MAST4: variants seen among roughly 807,000 people sequenced by gnomAD.
The protein encoded by MAST4 is microtubule-associated serine/threonine-protein kinase 4.
Under a neutral mutation model 162.7 loss-of-function variants are expected in MAST4, and 89 were observed. That is an observed-to-expected ratio of 0.55 (90% CI 0.46 to 0.65). MAST4 has a LOEUF of 0.65. Among genes scored for constraint, MAST4 ranks in the 30% least tolerant of loss-of-function variants. The probability of loss-of-function intolerance (pLI) is 0.00; values close to 1 mark genes in which losing one functional copy is unlikely to be tolerated. For synonymous variants in MAST4, 1,479 were observed against 1,361.1 expected (o/e 1.09, Z -1.91); for missense variants, 3,153 against 3,374.0 (o/e 0.93, Z 1.62).
chr5:66,890,614 A>G (rs1762307124), intron 3 of MAST4, among the ~76,000 whole-genome samples: 2 of 152,232 alleles, frequency 1.3e-5, no homozygotes, highest in Admixed American at 6.5e-5. Flanking sequence ...TTGCTTAGAA[A>G]GAGTTGCCAA....
chr5:67,107,559 A>G (rs1215700784), intron 10 of MAST4, among the ~76,000 whole-genome samples: 2 of 152,222 alleles, frequency 1.3e-5, no homozygotes, highest in East Asian at 3.8e-4. Context: ...TCCATTGCAG[A>G]GGGGCCTGCC....
chr5:66,884,519 A>ACCC (rs912399040), intron 3 of MAST4, among the ~76,000 whole-genome samples: 1 of 152,056 alleles, frequency 6.6e-6, no homozygotes, highest in African/African-American at 2.4e-5. Context: ...CCTGAGAAGG[A>ACCC]CCCGGGAAGC....
intron 1 of MAST4, among the ~76,000 whole-genome samples, chr5:66,720,766 G>C (rs1751152297): frequency 6.6e-6 from 1 of 152,082 alleles, no homozygotes. Flanking sequence ...TCAGCTTGTT[G>C]AGTGGAATAA....
At chr5:66,702,633 A>G (rs910898819) in intron 1 of MAST4, among the ~76,000 whole-genome samples, 1 of 152,152 alleles carries the variant, frequency 6.6e-6, no homozygotes, top group Non-Finnish European at 1.5e-5. Flanking sequence ...GGAGCAGCAA[A>G]TGCAAAGACC....
At chr5:67,148,652 A>C (rs915735407) in intron 23 of MAST4, among the ~76,000 whole-genome samples, 1 of 152,232 alleles carries the variant, frequency 6.6e-6, no homozygotes, top group Non-Finnish European at 1.5e-5. Context: ...AGGAAATAGC[A>C]TGAGGGAGGA....
chr5:67,032,180 A>G (rs559717696), intron 4 of MAST4, among the ~76,000 whole-genome samples: 3 of 152,260 alleles, frequency 2.0e-5, no homozygotes, highest in Admixed American at 6.5e-5. Flanking sequence ...CTGGAGGCCA[A>G]TGAAAAAATC....
intron 4 of MAST4, among the ~76,000 whole-genome samples, chr5:66,932,650 C>T (rs1356859713): frequency 1.3e-5 from 2 of 152,158 alleles, no homozygotes; most frequent in African/African-American, 4.8e-5. Flanking sequence ...TGAAAGTTTT[C>T]TCCATATTGG....
At chr5:66,965,224 G>GTTTTTTTTTTTTTTTTTT (rs1561485927) in intron 4 of MAST4, among the ~76,000 whole-genome samples, 1 of 72,424 alleles carries the variant, frequency 1.4e-5, no homozygotes, top group African/African-American at 5.5e-5. Context: ...TTTTTTTTTT[G>GTTTTTTTTTTTTTTTTTT]CTTTTTTTTT....
chr5:66,766,183 A>G (rs1477723665), intron 2 of MAST4, among the ~76,000 whole-genome samples: 1 of 152,128 alleles, frequency 6.6e-6, no homozygotes, highest in South Asian at 2.1e-4. Context: ...CATGCCCCAA[A>G]TCCTTGTCCT....
chr5:67,167,382 C>G lies in MAST4; in HGVS notation c.*331C>G, dbSNP rs906192444. 3 of 212,430 alleles carry G rather than the reference C, an allele frequency of 1.4e-5. No homozygotes were observed. Among genetic ancestry groups the G allele is most frequent in the South Asian group, 1.8e-4 (1 of 5,492 alleles). The allele number at this position is 212,430 out of a possible 1,614,324, so 13.2% of individuals were successfully genotyped here. A position where few individuals can be genotyped will look rare whatever the true frequency, so the allele number is the denominator to read the frequency against. On this transcript the variant is annotated 3_prime_UTR_variant, in exon 29 of 29. Transcript: ENST00000403625. Reference sequence around the variant, plus strand: ...TTGGTTTGGGATGTAGAGTCTATACCTGGCTGCTGATTGCGTCGTTTACTA... The same window carrying G: ...TTGGTTTGGGATGTAGAGTCTATACGTGGCTGCTGATTGCGTCGTTTACTA...
intron 1 of MAST4, among the ~76,000 whole-genome samples, chr5:66,609,694 TTTTTTTTTTTG>T (rs1255392716): frequency 1.6e-4 from 18 of 112,342 alleles, no homozygotes; most frequent in African/African-American, 8.6e-4. Context: ...GCCTGGTGTT[TTTTTTTTTTTG>T]TTTTTTTTTT....
At chr5:66,706,858 C>T (rs1750164730) in intron 1 of MAST4, among the ~76,000 whole-genome samples, 1 of 152,090 alleles carries the variant, frequency 6.6e-6, no homozygotes, top group Non-Finnish European at 1.5e-5. Flanking sequence ...TTTTAGGCCT[C>T]ATTAGAATGT....
Position 67,166,800 on chromosome 5 carries a change from A to G in MAST4, c.7621A>G (p.Met2541Val), listed in dbSNP as rs1450006501. Residue 2541 changes from methionine (M) to valine (V), a missense_variant, in exon 29 of 29, where the codon ATG becomes GTG. Physicochemically the swap from Met to Val is conservative, Grantham distance 21. Coordinates refer to ENST00000403625, the MANE Select transcript of MAST4 (RefSeq NM_001164664.2). ...GTCACACCACCCCGACCCAAACACC[A>G]TGGGCGGGGCCAGCCACCGGGACAG... ...LESHHPDPNT[M>V]GGASHRDRAL... 6.2e-7 allele frequency: 1 copy of G among 1,601,596 alleles called. No homozygotes were observed.
At position 66,611,950 on chromosome 5, in the gene MAST4, A is replaced by C. The variant is rs562761164; in HGVS notation, c.363+14932A>C. Among the ~76,000 whole-genome samples, 3 of 152,350 alleles carry C rather than the reference A, an allele frequency of 2.0e-5. No individual in the cohort carries two copies. In the South Asian group the frequency reaches 6.2e-4, roughly 32 times the overall value. ...ATGGATGTTCAAAATTTTGTTTCTA[A>C]ATGTGTAATACAGATTAATAACTTA... On this transcript the variant is annotated intron_variant, in intron 1 of 28. Transcript: ENST00000403625.
Position 66,759,655 on chromosome 5 carries a change from T to G in MAST4, c.364-54T>G, listed in dbSNP as rs532053309. 1.9e-6 allele frequency: 3 copies of G among 1,596,092 alleles called. No individual in the cohort carries two copies. In the East Asian group the frequency reaches 6.8e-5, roughly 36 times the overall value. ...AAAAGTGTGAATGATTGGTCTTTCA[T>G]TCTAGGCTGTGTTGATGCCCTAGCC... On this transcript the variant is annotated intron_variant, in intron 1 of 28. Transcript: ENST00000403625.
intron 3 of MAST4, among the ~76,000 whole-genome samples, chr5:66,856,524 T>A (rs1036658547): frequency 6.6e-6 from 1 of 152,242 alleles, no homozygotes; most frequent in Non-Finnish European, 1.5e-5. Flanking sequence ...AAGTGAGATA[T>A]TGGTCTCAGT....
Position 67,167,017 on chromosome 5 carries a change from GT to G in MAST4, c.7841del (p.Leu2614CysfsTer71). 1.2e-6 allele frequency: 2 copies of G among 1,603,042 alleles called. No individual in the cohort carries two copies. The highest frequency in any genetic ancestry group is 1.7e-6 in the Non-Finnish European group (2 of 1,174,564). On this transcript the variant is annotated frameshift_variant, in exon 29 of 29. Coordinates refer to ENST00000403625, the MANE Select transcript of MAST4 (RefSeq NM_001164664.2). LOFTEE classifies it high-confidence loss of function. ...GTACGGCAGAGGCGGGGGAAAGAGAGTTTGCGTAGCAGCCCTCACAAAAAGG... is the reference window on the plus strand; with the variant it reads ...GTACGGCAGAGGCGGGGGAAAGAGAGTTGCGTAGCAGCCCTCACAAAAAGG... ...FVVRQRRGKE[S>X]LRSSPHKKAL
intron 1 of MAST4, among the ~76,000 whole-genome samples, chr5:66,711,442 C>T (rs1312599766): frequency 6.6e-6 from 1 of 152,262 alleles, no homozygotes; most frequent in South Asian, 2.1e-4. Context: ...GCATGTGGCC[C>T]CTTCTTCCAT....
chr5:66,840,642 A>G (rs1490969482), intron 3 of MAST4, among the ~76,000 whole-genome samples: 1 of 152,132 alleles, frequency 6.6e-6, no homozygotes, highest in Non-Finnish European at 1.5e-5. Context: ...CCAATGAGCT[A>G]TTAGTGGATG....
Sources: allele counts gnomAD v4.1 joint callset (sites outside exome capture counted in the v4.1 genomes callset), GRCh38; gene constraint gnomAD v4.1.1; transcripts MANE v1.5; gene names NCBI Gene and HGNC (gene_info 2026-07-23, HGNC 2026-07-21).